The following RBFOX1 variants were observed in gnomAD, a reference collection of about 807,000 sequenced individuals.
RBFOX1 encodes the protein RNA binding fox-1 homolog 1, also known as RNA binding protein fox-1 homolog 1.
A neutral mutation model predicts 57.7 loss-of-function variants in RBFOX1; 8 were observed. The observed-to-expected ratio is 0.14, with a 90% confidence interval of 0.08 to 0.25. The LOEUF (loss-of-function observed/expected upper bound fraction) is 0.25, where lower values mean the gene tolerates loss of function less well. RBFOX1 is among the 10% of genes least tolerant of loss of function. The pLI is 1.00. For synonymous variants in RBFOX1, 326 were observed against 222.4 expected (o/e 1.47, Z -4.15); for missense variants, 611 against 548.5 (o/e 1.11, Z -1.14).
chr16:6,391,844 A>G (rs2092618132), intron 2 of RBFOX1, among the ~76,000 whole-genome samples: 1 of 152,226 alleles, frequency 6.6e-6, no homozygotes, highest in Non-Finnish European at 1.5e-5. Context: ...GAAGTAAGGG[A>G]AAACAAACAT....
At chr16:7,155,712 A>AATATATATATAT (rs1186735495) in intron 4 of RBFOX1, among the ~76,000 whole-genome samples, 1 of 77,420 alleles carries the variant, frequency 1.3e-5, no homozygotes, top group African/African-American at 6.7e-5. Flanking sequence ...AAAAAAAAAA[A>AATATATATATAT]ATATATATAT....
intron 4 of RBFOX1, among the ~76,000 whole-genome samples, chr16:5,933,516 A>G (rs1308563774): frequency 1.3e-5 from 2 of 152,182 alleles, no homozygotes. Flanking sequence ...TGATGTGAAA[A>G]ACGGATGCTC....
At position 7,369,962 on chromosome 16, in the gene RBFOX1, A is replaced by G. The variant is rs549148325; in HGVS notation, c.28-148185A>G. On this transcript the variant is annotated intron_variant, in intron 4 of 15. Coordinates refer to ENST00000550418, the MANE Select transcript of RBFOX1 (RefSeq NM_018723.4). ...GCTTGCTTGAAGCCACCATGCTATT[A>G]TGTGTCAGAGCCTTGAGCTAGGCTT... 3.3e-5 allele frequency among the ~76,000 whole-genome samples: 5 copies of G among 152,338 alleles called. No homozygotes were observed. In the East Asian group the frequency reaches 9.7e-4, roughly 29 times the overall value.
chr16:6,154,243 G>A (rs1178088042), intron 1 of RBFOX1, among the ~76,000 whole-genome samples: 1 of 152,224 alleles, frequency 6.6e-6, no homozygotes, highest in Non-Finnish European at 1.5e-5. Flanking sequence ...AGGTTATCAG[G>A]TTGGTACAAA....
At chr16:6,983,848 T>G (rs1284964924) in intron 3 of RBFOX1, 2 of 152,420 alleles carry the variant, frequency 1.3e-5, no homozygotes, top group Non-Finnish European at 2.9e-5. Flanking sequence ...GGGAGGCCCA[T>G]GCATGCAGCC....
chr16:5,495,982 T>A (rs965037993), intron 2 of RBFOX1, among the ~76,000 whole-genome samples: 1 of 152,088 alleles, frequency 6.6e-6, no homozygotes, highest in African/African-American at 2.4e-5. Flanking sequence ...AAACATTAGC[T>A]GGGCATGGTG....
At chr16:5,866,380 G>T (rs1227820263) in intron 3 of RBFOX1, among the ~76,000 whole-genome samples, 1 of 152,182 alleles carries the variant, frequency 6.6e-6, no homozygotes, top group Non-Finnish European at 1.5e-5. Flanking sequence ...ATCACAGTGG[G>T]GGTTAGGGGT....
At chr16:6,357,085 G>A (rs1001850275) in intron 2 of RBFOX1, among the ~76,000 whole-genome samples, 1 of 151,924 alleles carries the variant, frequency 6.6e-6, no homozygotes, top group Admixed American at 6.6e-5. Flanking sequence ...GGGAAGCAGC[G>A]CTCACTCTCC....
At chr16:5,357,590 A>G (rs1175856188) in intron 1 of RBFOX1, among the ~76,000 whole-genome samples, 5 of 152,228 alleles carry the variant, frequency 3.3e-5, no homozygotes, top group Non-Finnish European at 7.3e-5. Flanking sequence ...CAGCAGGTCC[A>G]GGTAGGTTAT....
chr16:6,832,577 A>C (rs1297467028), intron 3 of RBFOX1, among the ~76,000 whole-genome samples: 1 of 152,198 alleles, frequency 6.6e-6, no homozygotes, highest in Non-Finnish European at 1.5e-5. Context: ...GGGTGCTTGC[A>C]GCAGCCGCAG....
intron 5 of RBFOX1, among the ~76,000 whole-genome samples, chr16:7,549,828 C>T (rs1481793322): frequency 1.3e-5 from 2 of 152,198 alleles, no homozygotes; most frequent in Non-Finnish European, 2.9e-5. Context: ...TGATAATCTT[C>T]TTCGGAAACA....
At chr16:5,576,074 T>C (rs769370699) in intron 2 of RBFOX1, among the ~76,000 whole-genome samples, 11 of 152,102 alleles carry the variant, frequency 7.2e-5, no homozygotes, top group Admixed American at 1.3e-4. Context: ...GCCACTTCCG[T>C]TGCCCAGGTT....
chr16:7,114,183 A>T (rs1045067206), intron 4 of RBFOX1, among the ~76,000 whole-genome samples: 1 of 152,198 alleles, frequency 6.6e-6, no homozygotes, highest in African/African-American at 2.4e-5. Context: ...TCAGAGGCAG[A>T]TCAGTCTTTA....
chr16:7,313,199 A>G (rs1371945100), intron 4 of RBFOX1, among the ~76,000 whole-genome samples: 1 of 151,942 alleles, frequency 6.6e-6, no homozygotes, highest in Non-Finnish European at 1.5e-5. Context: ...CTCTGCTTAA[A>G]CTCGTTGACA....
At chr16:7,339,899 G>A (rs1319495909) in intron 4 of RBFOX1, among the ~76,000 whole-genome samples, 1 of 152,206 alleles carries the variant, frequency 6.6e-6, no homozygotes. Flanking sequence ...CTCCACAGTG[G>A]TTATCTCTAC....
chr16:5,746,688 T>A (rs1261223038), intron 3 of RBFOX1, among the ~76,000 whole-genome samples: 1 of 152,226 alleles, frequency 6.6e-6, no homozygotes, highest in African/African-American at 2.4e-5. Flanking sequence ...GATATTTTAT[T>A]CTCTTTGAAG....
chr16:6,429,116 T>C (rs2094008020), intron 2 of RBFOX1, among the ~76,000 whole-genome samples: 1 of 152,238 alleles, frequency 6.6e-6, no homozygotes, highest in African/African-American at 2.4e-5. Context: ...TATTCAGTTA[T>C]TAGCTGTGAA....
intron 2 of RBFOX1, among the ~76,000 whole-genome samples, chr16:6,625,392 A>G (rs186160103): frequency 2.6e-5 from 4 of 152,152 alleles, no homozygotes; most frequent in Non-Finnish European, 5.9e-5. Flanking sequence ...TCAGTGAATG[A>G]CTGCATAGAT....
rs1002690979 is a variant in RBFOX1, at chr16:6,700,069, C to G, written c.-16+45419C>G. The stretch of plus-strand genomic sequence containing the variant: ...CTTAAAACCTCTCTCTCATCAAATA[C>G]TCTCCCCCACTCACCGTAGCATCCC... On this transcript the variant is annotated intron_variant, in intron 3 of 15. Coordinates refer to ENST00000550418, the MANE Select transcript of RBFOX1 (RefSeq NM_018723.4). Among the ~76,000 whole-genome samples the G allele has an allele frequency of 5.6e-4, 85 of 152,096 alleles. 1 individual carries two copies. Among genetic ancestry groups the G allele is most frequent in the East Asian group, 5.8e-4 (3 of 5,164 alleles).
Sources: gnomAD v4.1 joint callset for allele counts (sites outside exome capture counted in the v4.1 genomes callset) on GRCh38, gnomAD v4.1.1 for gene constraint, MANE v1.5 for transcripts, NCBI Gene and HGNC (gene_info 2026-07-23, HGNC 2026-07-21) for gene names.